Variants in SIPA1L3 observed in about 807,000 individuals in gnomAD.
The protein encoded by SIPA1L3 is signal-induced proliferation-associated 1-like protein 3.
SIPA1L3 carries 59 observed loss-of-function variants against 150.1 expected under a neutral mutation model. That is an observed-to-expected ratio of 0.39 (90% CI 0.32 to 0.49). SIPA1L3 has a LOEUF of 0.49. Among genes scored for constraint, SIPA1L3 ranks in the 20% least tolerant of loss-of-function variants. The probability of loss-of-function intolerance (pLI) is 0.86; values close to 1 mark genes in which losing one functional copy is unlikely to be tolerated. For synonymous variants in SIPA1L3, 1,070 were observed against 1,077.6 expected (o/e 0.99, Z 0.14); for missense variants, 2,211 against 2,489.5 (o/e 0.89, Z 2.38).
Position 38,081,758 on chromosome 19 carries a change from A to G in SIPA1L3, c.193A>G (p.Thr65Ala). 1 of 1,592,948 alleles carries G rather than the reference A, an allele frequency of 6.3e-7. No homozygotes were observed. The part of the protein sequence containing the change: ...ATATATATAT[T>A]RPSPTTPAMP... ...CGCCACCGCCACCGCCACCGCCACC[A>G]CCCGCCCCAGCCCCACCACTCCCGC... Residue 65 changes from threonine to alanine, a missense_variant, in exon 3 of 22, where the codon ACC becomes GCC. Thr to Ala is a moderately conservative substitution (Grantham distance 58). Coordinates refer to ENST00000222345, the MANE Select transcript of SIPA1L3 (RefSeq NM_015073.3).
At position 38,165,600 on chromosome 19, in the gene SIPA1L3, C is replaced by T. The variant is rs1357584718; in HGVS notation, c.4208+694C>T. ...TGGCATCACGGGGCCATCCCAGCTACAAGGAGGTCTGGAAAGTTGTAGTTT... is the reference window on the plus strand; with the variant it reads ...TGGCATCACGGGGCCATCCCAGCTATAAGGAGGTCTGGAAAGTTGTAGTTT... On this transcript the variant is annotated intron_variant, in intron 15 of 21. Coordinates refer to ENST00000222345, the MANE Select transcript of SIPA1L3 (RefSeq NM_015073.3). Among the ~76,000 whole-genome samples, 4 of 152,298 alleles carry T rather than the reference C, an allele frequency of 2.6e-5. No homozygotes were observed. The East Asian group carries it at 7.7e-4, about 29-fold the overall frequency.
intron 1 of SIPA1L3, among the ~76,000 whole-genome samples, chr19:37,968,655 G>T (rs893898244): frequency 2.6e-5 from 4 of 152,208 alleles, no homozygotes; most frequent in Non-Finnish European, 5.9e-5. Context: ...CTCAAATAAT[G>T]TTATTACTAA....
chr19:37,925,623 C>G (rs1467046573), intron 1 of SIPA1L3, among the ~76,000 whole-genome samples: 1 of 120,184 alleles, frequency 8.3e-6, no homozygotes, highest in Non-Finnish European at 1.6e-5. Context: ...GAGACGGAGT[C>G]TCACTCTGTT....
chr19:38,100,053 T>A lies in SIPA1L3; in HGVS notation c.1757T>A (p.Leu586Gln). Residue 586 changes from leucine (L) to glutamine (Q), a missense_variant, in exon 5 of 22, where the codon CTG becomes CAG. Leu to Gln is a moderately radical substitution (Grantham distance 113). Transcript: ENST00000222345. ...TGRGLPLKDA[L>Q]EYVIPELNIH... ...CGGGGCCTGCCCTTGAAGGATGCCC[T>A]GGAGTATGTCATCCCCGAGCTCAAC... The A allele has an allele frequency of 6.2e-7, 1 of 1,612,808 alleles. No homozygotes were observed. The highest frequency in any genetic ancestry group is 8.5e-7 in the Non-Finnish European group (1 of 1,179,530).
intron 1 of SIPA1L3, among the ~76,000 whole-genome samples, chr19:37,936,926 A>G (rs1909512967): frequency 2.6e-5 from 4 of 152,200 alleles, no homozygotes; most frequent in Admixed American, 2.6e-4. Flanking sequence ...GTAACCTAGT[A>G]TATATTCTTC....
chr19:38,145,073 G>A (rs961175788), intron 12 of SIPA1L3, among the ~76,000 whole-genome samples: 1 of 152,228 alleles, frequency 6.6e-6, no homozygotes, highest in African/African-American at 2.4e-5. Flanking sequence ...GGAAATGGCA[G>A]TCAGAGTGAC....
chr19:38,125,256 G>A (rs1361540176), intron 9 of SIPA1L3, among the ~76,000 whole-genome samples: 2 of 152,090 alleles, frequency 1.3e-5, no homozygotes, highest in African/African-American at 4.8e-5. Context: ...GGCTAGTCTC[G>A]AACTCCTGGC....
rs1971280834 is a variant in SIPA1L3, at chr19:38,130,515, G to C, written c.2886G>C (p.Trp962Cys). The change falls in exon 10 of 22, where the codon TGG becomes TGC. Residue 962 changes from tryptophan to cysteine, a missense_variant. Trp to Cys is a radical substitution (Grantham distance 215). Transcript: ENST00000222345. ...VQRLKVMTSG[W>C]ETVDMTLRRN... ...GCCTGCAGGTGATGACCAGTGGCTG[G>C]GAGACGGTGGACATGACGCTTCGGC... is the stretch of plus-strand genomic sequence containing the variant. The C allele has an allele frequency of 6.2e-7, 1 of 1,612,328 alleles. No homozygotes were observed. Among genetic ancestry groups the C allele is most frequent in the African/African-American group, 1.3e-5 (1 of 75,046 alleles).
intron 1 of SIPA1L3, among the ~76,000 whole-genome samples, chr19:38,020,631 C>T (rs1359755257): frequency 6.6e-6 from 1 of 152,134 alleles, no homozygotes; most frequent in Non-Finnish European, 1.5e-5. Context: ...CTGGGCCTGG[C>T]CTTTAAAATG....
At chr19:38,022,601 G>A (rs972892078) in intron 1 of SIPA1L3, among the ~76,000 whole-genome samples, 22 of 151,902 alleles carry the variant, frequency 1.4e-4, no homozygotes, top group Admixed American at 5.9e-4. Context: ...CCAGCTACTC[G>A]GGAGGCTGAG....
intron 13 of SIPA1L3, among the ~76,000 whole-genome samples, chr19:38,158,058 T>C (rs1019194436): frequency 4.6e-5 from 7 of 152,082 alleles, no homozygotes; most frequent in Non-Finnish European, 1.0e-4. Flanking sequence ...CTGGCCAACA[T>C]GGTGAAACCC....
intron 1 of SIPA1L3, among the ~76,000 whole-genome samples, chr19:37,920,466 C>T (rs2046449278): frequency 6.6e-6 from 1 of 152,090 alleles, no homozygotes; most frequent in Non-Finnish European, 1.5e-5. Context: ...AGTGCAGGGG[C>T]TCAAGTGTGC....
intron 9 of SIPA1L3, among the ~76,000 whole-genome samples, chr19:38,128,350 C>A (rs1422653257): frequency 6.6e-6 from 1 of 152,118 alleles, no homozygotes; most frequent in African/African-American, 2.4e-5. Context: ...GTTTTGGTCA[C>A]ACGTTTCCCC....
At chr19:37,929,227 T>C (rs1031218045) in intron 1 of SIPA1L3, among the ~76,000 whole-genome samples, 2 of 152,012 alleles carry the variant, frequency 1.3e-5, no homozygotes, top group Non-Finnish European at 2.9e-5. Flanking sequence ...CAGCCTTACC[T>C]GAAGTAGGTA....
chr19:37,920,446 AC>A (rs2046449033), intron 1 of SIPA1L3, among the ~76,000 whole-genome samples: 1 of 152,178 alleles, frequency 6.6e-6, no homozygotes, highest in Non-Finnish European at 1.5e-5. Context: ...AATAATATAG[AC>A]AGGCAGAGAG....
At chr19:37,971,602 G>A (rs954456015) in intron 1 of SIPA1L3, among the ~76,000 whole-genome samples, 1 of 151,030 alleles carries the variant, frequency 6.6e-6, no homozygotes, top group Admixed American at 6.6e-5. Flanking sequence ...GTCTTGCTCT[G>A]TTGCCCAGGC....
At chr19:38,065,915 C>CTATCTATCTATTTATTTATTTATT (rs74176413) in intron 2 of SIPA1L3, among the ~76,000 whole-genome samples, 25 of 127,702 alleles carry the variant, frequency 2.0e-4, no homozygotes, top group African/African-American at 6.1e-4. Context: ...ATTTATTTAT[C>CTATCTATCTATTTATTTATTTATT]TATTTATTTA....
chr19:38,136,323 G>T (rs73636738), intron 10 of SIPA1L3, among the ~76,000 whole-genome samples: 4,514 of 152,004 alleles, frequency 0.03, 211 homozygotes, highest in African/African-American at 0.1. Flanking sequence ...AAATTCAAGG[G>T]CCAGACGCAG....
intron 8 of SIPA1L3, among the ~76,000 whole-genome samples, chr19:38,112,359 A>C (rs1970784177): frequency 6.6e-6 from 1 of 152,142 alleles, no homozygotes; most frequent in Admixed American, 6.6e-5. Context: ...CTTATGATGC[A>C]TCAGAGGTGG....
Sources: gnomAD v4.1 joint callset for allele counts (sites outside exome capture counted in the v4.1 genomes callset) on GRCh38, gnomAD v4.1.1 for gene constraint, MANE v1.5 for transcripts, NCBI Gene and HGNC (gene_info 2026-07-23, HGNC 2026-07-21) for gene names.